Variants in AFF3 observed in about 807,000 individuals in gnomAD.
AFF3 encodes ALF transcription elongation factor 3, also known as AF4/FMR2 family member 3.
In AFF3, 32 loss-of-function variants were observed where a neutral mutation model predicts 129.7. That is an observed-to-expected ratio of 0.25 (90% confidence interval 0.19 to 0.33). The LOEUF is 0.33. AFF3 is among the 10% of genes least tolerant of loss of function. The pLI is 1.00. For missense variants in AFF3, 1,373 were observed against 1,592.0 expected, an observed-to-expected ratio of 0.86 and a Z score of 2.34; for synonymous variants, 644 against 635.4, an observed-to-expected ratio of 1.01 and a Z score of -0.20.
intron 4 of AFF3, among the ~76,000 whole-genome samples, chr2:100,040,445 G>A (rs1306997568): frequency 6.6e-6 from 1 of 152,178 alleles, no homozygotes; most frequent in Non-Finnish European, 1.5e-5. Flanking sequence ...AAATGTTCCT[G>A]GAGACCATCC....
intron 8 of AFF3, among the ~76,000 whole-genome samples, chr2:99,772,993 G>A (rs1029135029): frequency 2.0e-5 from 3 of 152,144 alleles, no homozygotes; most frequent in African/African-American, 7.2e-5. Flanking sequence ...GGTTCAGACC[G>A]GCCAGGTTCC....
intron 13 of AFF3, among the ~76,000 whole-genome samples, chr2:99,602,908 C>G (rs537250479): frequency 6.6e-6 from 1 of 152,288 alleles, no homozygotes; most frequent in Admixed American, 6.5e-5. Context: ...ATAAAAACCA[C>G]CAGACAAGAA....
intron 7 of AFF3, among the ~76,000 whole-genome samples, chr2:99,884,202 A>G (rs1692934114): frequency 6.6e-6 from 1 of 152,240 alleles, no homozygotes; most frequent in Non-Finnish European, 1.5e-5. Context: ...TTTAACTGAT[A>G]AAAAGTATAC....
At chr2:99,856,041 T>A (rs957639868) in intron 7 of AFF3, among the ~76,000 whole-genome samples, 1 of 152,040 alleles carries the variant, frequency 6.6e-6, no homozygotes, top group African/African-American at 2.4e-5. Flanking sequence ...GCCTTAAAAC[T>A]CAAGGTCATC....
At chr2:99,970,941 A>G (rs1174597282) in intron 7 of AFF3, among the ~76,000 whole-genome samples, 2 of 152,146 alleles carry the variant, frequency 1.3e-5, no homozygotes, top group African/African-American at 4.8e-5. Flanking sequence ...TAAGTTTCCT[A>G]AGTGTCTACG....
At chr2:99,832,765 G>T (rs1352773355) in intron 8 of AFF3, among the ~76,000 whole-genome samples, 1 of 152,152 alleles carries the variant, frequency 6.6e-6, no homozygotes, top group Non-Finnish European at 1.5e-5. Flanking sequence ...AATTTCTCTA[G>T]CCCTCCATCG....
At chr2:99,758,996 C>T (rs907362348) in intron 8 of AFF3, among the ~76,000 whole-genome samples, 2 of 152,208 alleles carry the variant, frequency 1.3e-5, no homozygotes, top group Non-Finnish European at 2.9e-5. Context: ...AAACTAGCCT[C>T]TGCTTTTACT....
intron 7 of AFF3, among the ~76,000 whole-genome samples, chr2:99,912,714 T>C (rs1052052503): frequency 6.6e-6 from 1 of 152,188 alleles, no homozygotes; most frequent in Non-Finnish European, 1.5e-5. Context: ...ATGGATAACA[T>C]AGGGAAACAA....
intron 7 of AFF3, among the ~76,000 whole-genome samples, chr2:99,908,612 T>C (rs895581495): frequency 2.0e-5 from 3 of 151,594 alleles, no homozygotes; most frequent in Admixed American, 2.0e-4. Flanking sequence ...TAAAATGAAC[T>C]CAAACAAATT....
At chr2:99,748,046 C>T (rs1575856956) in intron 9 of AFF3, among the ~76,000 whole-genome samples, 1 of 152,090 alleles carries the variant, frequency 6.6e-6, no homozygotes. Context: ...TGGCAAACCT[C>T]GGGTCCTGGG....
chr2:100,108,674 C>T (rs901959306), intron 2 of AFF3, among the ~76,000 whole-genome samples: 24 of 152,054 alleles, frequency 1.6e-4, no homozygotes, highest in Admixed American at 1.4e-3. Flanking sequence ...GGGCCAATAC[C>T]CCGGTCGAGG....
chr2:99,885,583 C>T (rs1207198524), intron 7 of AFF3, among the ~76,000 whole-genome samples: 3 of 152,174 alleles, frequency 2.0e-5, no homozygotes, highest in Non-Finnish European at 4.4e-5. Flanking sequence ...TATATTTGTG[C>T]CCAGGAGTTG....
At chr2:99,802,223 C>T (rs1685993547) in intron 8 of AFF3, among the ~76,000 whole-genome samples, 1 of 152,050 alleles carries the variant, frequency 6.6e-6, no homozygotes, top group Admixed American at 6.6e-5. Context: ...TGTTGAATAC[C>T]TTAAACTTTT....
intron 7 of AFF3, 74 bp from the exon 8 acceptor site, chr2:99,837,598 A>G: frequency 7.2e-7 from 1 of 1,390,074 alleles, no homozygotes; most frequent in South Asian, 1.2e-5. Flanking sequence ...CAAGGTTCCA[A>G]ATTAGTCCCC....
rs1674345669 is a variant in AFF3, at chr2:99,550,712, C to A, written c.*762G>T. The stretch of plus-strand genomic sequence containing the variant: ...TAGTGTCTGTTAACTTTCAAAGACG[C>A]CGCGTTTTTGCTAAATCTCAGTGCC... On this transcript the variant is annotated 3_prime_UTR_variant, in exon 25 of 25. Coordinates refer to ENST00000672756, the MANE Select transcript of AFF3 (RefSeq NM_001386135.1). 1 of 232,888 alleles carries A rather than the reference C, an allele frequency of 4.3e-6. No homozygotes were observed. The highest frequency in any genetic ancestry group is 2.2e-5 in the African/African-American group (1 of 45,298). 14.4% of individuals were successfully genotyped at this position (232,888 alleles called of 1,614,324 possible).
intron 13 of AFF3, among the ~76,000 whole-genome samples, chr2:99,636,027 A>G (rs1404535618): frequency 6.6e-6 from 1 of 152,208 alleles, no homozygotes; most frequent in Non-Finnish European, 1.5e-5. Flanking sequence ...TCCTTCTGTA[A>G]TTCCATTAAA....
intron 7 of AFF3, among the ~76,000 whole-genome samples, chr2:99,972,747 G>C (rs1678506183): frequency 6.6e-6 from 1 of 152,206 alleles, no homozygotes; most frequent in African/African-American, 2.4e-5. Context: ...AAAGAATGGA[G>C]AGTGACTGTA....
intron 7 of AFF3, among the ~76,000 whole-genome samples, chr2:99,927,890 G>A (rs1340946869): frequency 4.6e-5 from 7 of 152,160 alleles, no homozygotes; most frequent in Admixed American, 2.6e-4. Context: ...ATTCCCACAT[G>A]TGGTGGGAGG....
intron 11 of AFF3, among the ~76,000 whole-genome samples, chr2:99,683,967 G>GTTCTGTAGTTTTATTCTTCTGTATCTCCT (rs1325793351): frequency 6.6e-6 from 1 of 152,040 alleles, no homozygotes; most frequent in Non-Finnish European, 1.5e-5. Flanking sequence ...TTATTCTTCA[G>GTTCTGTAGTTTTATTCTTCTGTATCTCCT]TCTGTAGTTC....
Sources: gnomAD v4.1 joint callset for allele counts (sites outside exome capture counted in the v4.1 genomes callset) on GRCh38, gnomAD v4.1.1 for gene constraint, MANE v1.5 for transcripts, NCBI Gene and HGNC (gene_info 2026-07-23, HGNC 2026-07-21) for gene names.